Variants in RPS6KC1 observed in about 807,000 individuals in gnomAD.
RPS6KC1 encodes ribosomal protein S6 kinase C1.
A neutral mutation model predicts 103.8 loss-of-function variants in RPS6KC1; 54 were observed. The observed-to-expected ratio is 0.52, with a 90% CI of 0.42 to 0.65. The LOEUF is 0.65. Among genes scored for constraint, RPS6KC1 ranks in the 30% least tolerant of loss-of-function variants. RPS6KC1 has a pLI of 0.00. For synonymous variants in RPS6KC1, 439 were observed against 438.7 expected, an observed-to-expected ratio of 1.00 and a Z score of -0.01; for missense variants, 1,151 against 1,253.8, an observed-to-expected ratio of 0.92 and a Z score of 1.24.
At chr1:213,298,224 A>T in the RPS6KC1 span, among the ~76,000 whole-genome samples, 16 of 152,386 alleles carry the variant, frequency 1.0e-4, no homozygotes, top group Admixed American at 2.0e-4. Context: ...GGTGCACAGG[A>T]AATACATTTT....
chr1:213,633,857 G>A, the RPS6KC1 span, among the ~76,000 whole-genome samples: 3 of 94,426 alleles, frequency 3.2e-5, no homozygotes, highest in Admixed American at 1.4e-4. Flanking sequence ...AGGAAGATCT[G>A]CCAAGCAAAT....
the RPS6KC1 span, among the ~76,000 whole-genome samples, chr1:213,349,837 CATAAGCA>C: frequency 5.3e-5 from 8 of 152,148 alleles, no homozygotes; most frequent in African/African-American, 1.4e-4. Context: ...TTGACAGGGC[CATAAGCA>C]TGCACTAAAG....
the RPS6KC1 span, among the ~76,000 whole-genome samples, chr1:213,689,545 C>A: frequency 6.6e-6 from 1 of 152,214 alleles, no homozygotes; most frequent in African/African-American, 2.4e-5. Flanking sequence ...CACTGGGCCA[C>A]GTGACAGTCA....
At chr1:213,521,483 T>A in the RPS6KC1 span, among the ~76,000 whole-genome samples, 1 of 152,300 alleles carries the variant, frequency 6.6e-6, no homozygotes, top group African/African-American at 2.4e-5. Context: ...CTGTGGCAAC[T>A]TCGTAAGATA....
the RPS6KC1 span, among the ~76,000 whole-genome samples, chr1:213,539,778 A>G: frequency 1.3e-5 from 2 of 152,228 alleles, no homozygotes; most frequent in African/African-American, 4.8e-5. Flanking sequence ...GTAAGAAAAT[A>G]CAGGCATATC....
the RPS6KC1 span, among the ~76,000 whole-genome samples, chr1:213,797,636 C>A: frequency 1.3e-5 from 2 of 152,320 alleles, no homozygotes; most frequent in East Asian, 3.9e-4. Flanking sequence ...AAAGCATTTA[C>A]ATGAAGAATG....
At chr1:213,605,111 C>G in the RPS6KC1 span, among the ~76,000 whole-genome samples, 1 of 152,042 alleles carries the variant, frequency 6.6e-6, no homozygotes, top group Non-Finnish European at 1.5e-5. Flanking sequence ...TCATGGTGCC[C>G]TTAGCTTCTT....
the RPS6KC1 span, among the ~76,000 whole-genome samples, chr1:213,504,041 G>A: frequency 6.6e-6 from 1 of 152,164 alleles, no homozygotes; most frequent in South Asian, 2.1e-4. Context: ...GTAGACTCTT[G>A]TGAAGTTATT....
the RPS6KC1 span, among the ~76,000 whole-genome samples, chr1:213,558,203 T>C: frequency 6.6e-6 from 1 of 152,210 alleles, no homozygotes; most frequent in Non-Finnish European, 1.5e-5. Context: ...ATGGCACATC[T>C]TTGCAGATAA....
chr1:213,752,798 A>G, the RPS6KC1 span, among the ~76,000 whole-genome samples: 93 of 152,018 alleles, frequency 6.1e-4, no homozygotes, highest in African/African-American at 2.2e-3. Flanking sequence ...GAAAAGGGGA[A>G]CAGATCTGAT....
chr1:213,132,018 A>G (rs1285036000), intron 6 of RPS6KC1, among the ~76,000 whole-genome samples: 1 of 152,242 alleles, frequency 6.6e-6, no homozygotes, highest in Admixed American at 6.5e-5. Context: ...TAATGTTACC[A>G]CTTGATGGCA....
At chr1:213,451,775 T>C in the RPS6KC1 span, among the ~76,000 whole-genome samples, 2 of 152,222 alleles carry the variant, frequency 1.3e-5, no homozygotes, top group Admixed American at 1.3e-4. Context: ...CATGTAAACC[T>C]GAGCTGGGGC....
chr1:213,621,610 G>T, the RPS6KC1 span, among the ~76,000 whole-genome samples: 4 of 152,186 alleles, frequency 2.6e-5, no homozygotes, highest in African/African-American at 4.8e-5. Context: ...AGAGAGAATT[G>T]TGAGTTTAGA....
intron 4 of RPS6KC1, among the ~76,000 whole-genome samples, chr1:213,104,986 A>G (rs542858133): frequency 6.6e-6 from 1 of 152,016 alleles, no homozygotes; most frequent in South Asian, 2.1e-4. Flanking sequence ...GCATCATAAA[A>G]CTCTAGTACT....
At chr1:213,097,051 A>G (rs2081524927) in intron 3 of RPS6KC1, among the ~76,000 whole-genome samples, 1 of 152,150 alleles carries the variant, frequency 6.6e-6, no homozygotes, top group Non-Finnish European at 1.5e-5. Context: ...ATTCATTGTC[A>G]GTGAGCAATA....
intron 3 of RPS6KC1, among the ~76,000 whole-genome samples, chr1:213,093,056 T>C (rs1320336635): frequency 6.6e-6 from 1 of 152,154 alleles, no homozygotes; most frequent in Non-Finnish European, 1.5e-5. Context: ...TCCTTCCATA[T>C]TATAGAATGA....
chr1:213,701,583 T>C, the RPS6KC1 span, among the ~76,000 whole-genome samples: 1 of 152,064 alleles, frequency 6.6e-6, no homozygotes, highest in Admixed American at 6.6e-5. Flanking sequence ...ATGGCTTTGA[T>C]CTCATTACTT....
At chr1:213,183,078 G>C (rs550223565) in intron 8 of RPS6KC1, among the ~76,000 whole-genome samples, 1 of 151,878 alleles carries the variant, frequency 6.6e-6, no homozygotes, top group African/African-American at 2.4e-5. Flanking sequence ...ATGAGAGACA[G>C]AGAGGACATT....
chr1:213,558,369 G>A, the RPS6KC1 span, among the ~76,000 whole-genome samples: 3 of 152,192 alleles, frequency 2.0e-5, no homozygotes, highest in African/African-American at 7.2e-5. Context: ...AAATGCCATT[G>A]TCAGGAGAGG....
Sources: allele counts gnomAD v4.1 joint callset (sites outside exome capture counted in the v4.1 genomes callset), GRCh38; gene constraint gnomAD v4.1.1; transcripts MANE v1.5; gene names NCBI Gene and HGNC (gene_info 2026-07-23, HGNC 2026-07-21).